STOX2: variants seen among roughly 807,000 people sequenced by gnomAD.
STOX2 encodes the protein storkhead box 2.
Under a neutral mutation model 60.9 loss-of-function variants are expected in STOX2, and 28 were observed. The observed-to-expected ratio is 0.46, with a 90% confidence interval of 0.34 to 0.63. The LOEUF (loss-of-function observed/expected upper bound fraction) is 0.63, where lower values mean the gene tolerates loss of function less well. STOX2 is among the 30% of genes least tolerant of loss of function. STOX2 has a pLI of 0.01. For missense variants in STOX2, 1,024 were observed against 1,187.7 expected, an observed-to-expected ratio of 0.86 and a Z score of 2.03; for synonymous variants, 472 against 463.9, an observed-to-expected ratio of 1.02 and a Z score of -0.22.
intron 1 of STOX2, among the ~76,000 whole-genome samples, chr4:183,931,524 T>C (rs983925804): frequency 1.3e-5 from 2 of 152,196 alleles, no homozygotes; most frequent in African/African-American, 4.8e-5. Context: ...GCAAGCAATA[T>C]ATTAGTTGCG....
At chr4:183,868,162 AGAT>A (rs1740614294) in intron 1 of STOX2, among the ~76,000 whole-genome samples, 1 of 152,158 alleles carries the variant, frequency 6.6e-6, no homozygotes. Flanking sequence ...GAAAACATTT[AGAT>A]GGCAGTTCAG....
At chr4:183,919,213 A>G (rs1008991299) in intron 1 of STOX2, among the ~76,000 whole-genome samples, 1 of 152,194 alleles carries the variant, frequency 6.6e-6, no homozygotes, top group African/African-American at 2.4e-5. Flanking sequence ...AAACACATGG[A>G]GAGTTACACA....
At chr4:183,876,459 C>G (rs1740831478) in intron 1 of STOX2, among the ~76,000 whole-genome samples, 1 of 152,212 alleles carries the variant, frequency 6.6e-6, no homozygotes, top group African/African-American at 2.4e-5. Context: ...GGATAGGCTT[C>G]TTGGTATTCC....
chr4:183,989,181 T>G (rs28520028), intron 1 of STOX2, among the ~76,000 whole-genome samples: 33 of 51,130 alleles, frequency 6.5e-4, no homozygotes, highest in African/African-American at 1.3e-3. Context: ...TTTTTTTTTT[T>G]TTTTTTTTTT....
chr4:183,933,189 T>C (rs1324777055), intron 1 of STOX2, among the ~76,000 whole-genome samples: 2 of 152,222 alleles, frequency 1.3e-5, no homozygotes, highest in African/African-American at 4.8e-5. Context: ...CTGGCTCACG[T>C]ACAACATTTA....
intron 1 of STOX2, among the ~76,000 whole-genome samples, chr4:183,831,016 T>C (rs1739553475): frequency 1.3e-5 from 2 of 151,718 alleles, no homozygotes; most frequent in Non-Finnish European, 2.9e-5. Context: ...CCTGGGATTC[T>C]GGGTTAGTCC....
At chr4:183,844,385 A>G (rs940597970) in intron 1 of STOX2, among the ~76,000 whole-genome samples, 2 of 152,214 alleles carry the variant, frequency 1.3e-5, no homozygotes, top group Admixed American at 6.5e-5. Context: ...TTATTTTACT[A>G]TAAAATTATC....
At chr4:183,992,573 G>C (rs1560926173) in intron 1 of STOX2, among the ~76,000 whole-genome samples, 1 of 152,242 alleles carries the variant, frequency 6.6e-6, no homozygotes, top group South Asian at 2.1e-4. Context: ...GGAAAAGGAA[G>C]ACGTCATGTT....
At chr4:183,858,054 G>A (rs974861695) in intron 1 of STOX2, among the ~76,000 whole-genome samples, 1 of 152,180 alleles carries the variant, frequency 6.6e-6, no homozygotes, top group African/African-American at 2.4e-5. Flanking sequence ...TGAGGAGCGG[G>A]TAGTAAATAG....
chr4:183,962,362 A>G (rs1251513853), intron 1 of STOX2, among the ~76,000 whole-genome samples: 1 of 152,172 alleles, frequency 6.6e-6, no homozygotes, highest in Non-Finnish European at 1.5e-5. Flanking sequence ...TTTTATATTT[A>G]GGTGATTTAG....
intron 1 of STOX2, among the ~76,000 whole-genome samples, chr4:183,876,820 C>G (rs1248140442): frequency 6.6e-6 from 1 of 152,242 alleles, no homozygotes; most frequent in Non-Finnish European, 1.5e-5. Flanking sequence ...AGCGGGCATT[C>G]TATTCTGACG....
In STOX2 at chr4:183,825,433, G is replaced by A. The variant is rs1273111355; in HGVS notation, c.364+27378G>A. On this transcript the variant is annotated intron_variant, in intron 1 of 2. Transcript: ENST00000513034. The surrounding 1 kb of genome is among the most constrained non-coding windows in gnomAD (Gnocchi z 4.1). Reference sequence around the variant, plus strand: ...TGCTGCAGATGGCAGCGGTCAGCTCGTGTCATCTCCTAGCATCCCTGGACC... The same window carrying A: ...TGCTGCAGATGGCAGCGGTCAGCTCATGTCATCTCCTAGCATCCCTGGACC... 2.0e-5 allele frequency among the ~76,000 whole-genome samples: 3 copies of A among 152,146 alleles called. No individual in the cohort carries two copies. The highest frequency in any genetic ancestry group is 4.8e-5 in the African/African-American group (2 of 41,424).
intron 1 of STOX2, among the ~76,000 whole-genome samples, chr4:183,938,627 C>G (rs1276041599): frequency 4.2e-5 from 6 of 142,382 alleles, no homozygotes; most frequent in Admixed American, 2.3e-4. Context: ...GGAGATGGTG[C>G]CACTGCACTC....
At chr4:183,955,450 A>G (rs1743219097) in intron 1 of STOX2, among the ~76,000 whole-genome samples, 1 of 152,178 alleles carries the variant, frequency 6.6e-6, no homozygotes, top group Non-Finnish European at 1.5e-5. Flanking sequence ...TTTTTCCCCA[A>G]GTACTCTAGT....
chr4:183,989,169 G>GTTTTTTTTTTTTTTTTTTT (rs11421201), intron 1 of STOX2, among the ~76,000 whole-genome samples: 3 of 80,002 alleles, frequency 3.7e-5, no homozygotes, highest in Non-Finnish European at 7.0e-5. Context: ...ATTTTTTCTG[G>GTTTTTTTTTTTTTTTTTTT]TTTTTTTTTT....
At chr4:183,851,129 GGAAACGATGAGGGAAAGGATGAGA>G (rs1740119201) in intron 1 of STOX2, among the ~76,000 whole-genome samples, 6 of 17,964 alleles carry the variant, frequency 3.3e-4, no homozygotes, top group Middle Eastern at 0.031. Flanking sequence ...AAAGGATGAG[GGAAACGATGAGGGAAAGGATGAGA>G]GAAACGATGA....
At chr4:183,962,295 A>G (rs142454590) in intron 1 of STOX2, among the ~76,000 whole-genome samples, 10 of 152,182 alleles carry the variant, frequency 6.6e-5, no homozygotes, top group African/African-American at 2.2e-4. Flanking sequence ...TAGGAAGACA[A>G]CTTTATTTTG....
chr4:184,006,136 A>G (rs1733816152), intron 2 of STOX2, among the ~76,000 whole-genome samples: 1 of 152,248 alleles, frequency 6.6e-6, no homozygotes. Flanking sequence ...AAATTCTATA[A>G]TAAAATTAAA....
At position 183,906,588 on chromosome 4, in the gene STOX2, A is replaced by T; in HGVS notation, c.-203A>T. ...TGTAATGCATTGTGGGACGTGTGTA[A>T]AATCGGAGCCTTCGCCGTGGGGGTG... On this transcript the variant is annotated 5_prime_UTR_variant, in exon 1 of 4. An upstream open reading frame in the 5' UTR gains an earlier in-frame stop. Transcript: ENST00000308497. 1 of 561,260 alleles carries T rather than the reference A, an allele frequency of 1.8e-6. No individual in the cohort carries two copies. The highest frequency in any genetic ancestry group is 3.1e-6 in the Non-Finnish European group (1 of 320,572). 34.8% of individuals were successfully genotyped at this position (561,260 alleles called of 1,614,324 possible).
Sources: allele counts gnomAD v4.1 joint callset (sites outside exome capture counted in the v4.1 genomes callset), GRCh38; gene constraint gnomAD v4.1.1; non-coding constraint Gnocchi (gnomAD v3.1); transcripts MANE v1.5; gene names NCBI Gene and HGNC (gene_info 2026-07-23, HGNC 2026-07-21).